MYL12B: variants seen among roughly 807,000 people sequenced by gnomAD.
The protein encoded by MYL12B is myosin regulatory light chain 12B.
A neutral mutation model predicts 12.9 loss-of-function variants in MYL12B; 3 were observed. That is an observed-to-expected ratio of 0.23 (90% CI 0.11 to 0.60). The LOEUF is 0.60. Among genes scored for constraint, MYL12B ranks in the 20% least tolerant of loss-of-function variants. The pLI, the probability that MYL12B is intolerant of heterozygous loss-of-function variation, is 0.89. For synonymous variants in MYL12B, 57 were observed against 71.9 expected (o/e 0.79, Z 1.05); for missense variants, 120 against 215.4 (o/e 0.56, Z 2.77).
intron 1 of MYL12B, chr18:3,272,047 A>C (rs1244155899): frequency 1.0e-6 from 1 of 984,778 alleles, no homozygotes; most frequent in East Asian, 1.1e-4. Flanking sequence ...AAACAGAAGG[A>C]AAAATGAAGA....
At chr18:3,272,706 C>CA (rs571608190) in intron 1 of MYL12B, among the ~76,000 whole-genome samples, 178 bp from the exon 2 acceptor site, 1 of 152,202 alleles carries the variant, frequency 6.6e-6, no homozygotes, top group African/African-American at 2.4e-5. Flanking sequence ...TTTTTCCACT[C>CA]AGTCATTTAA....
At chr18:3,262,305 C>T (rs2081598029) in intron 1 of MYL12B, 68 bp downstream of exon 1, 1 of 152,248 alleles carries the variant, frequency 6.6e-6, no homozygotes, top group Non-Finnish European at 1.5e-5. Context: ...GCGCCCCCTC[C>T]CGTCGCGCGC....
chr18:3,269,456 G>C (rs1203054514), intron 1 of MYL12B, among the ~76,000 whole-genome samples: 1 of 152,134 alleles, frequency 6.6e-6, no homozygotes, highest in African/African-American at 2.4e-5. Context: ...GAGAGGGATT[G>C]GGGAGGGTGA....
At chr18:3,273,563 A>G (rs919436483) in intron 2 of MYL12B, among the ~76,000 whole-genome samples, 13 of 152,334 alleles carry the variant, frequency 8.5e-5, no homozygotes, top group Non-Finnish European at 1.8e-4. Context: ...GTAAAGATAC[A>G]GGATTTAAAG....
chr18:3,277,994 A>G lies in MYL12B; in HGVS notation c.*57A>G, dbSNP rs537417083. 1.9e-6 allele frequency: 3 copies of G among 1,573,720 alleles called. No individual in the cohort carries two copies. In the South Asian group the frequency reaches 3.5e-5, roughly 18 times the overall value. ...TGTCTTACTCTCTTTTACTTCTCAG[A>G]CACTTCCCCCACCCTCATAGAACCT... On this transcript the variant is annotated 3_prime_UTR_variant, in exon 4 of 4. Transcript: ENST00000237500.
At position 3,268,578 on chromosome 18, in the gene MYL12B, C is replaced by T. The variant is rs7229138; in HGVS notation, c.-15-4306C>T. 9.6e-3 allele frequency among the ~76,000 whole-genome samples: 1,465 copies of T among 152,246 alleles called. 28 individuals carry two copies. Among genetic ancestry groups the T allele is most frequent in the African/African-American group, 0.034 (1,414 of 41,538 alleles). ...TTACTCACTGCAACTCTATTCTGTA[C>T]CTTGGTTTTTCTGGTGTAGATTGAC... On this transcript the variant is annotated intron_variant, in intron 1 of 3. Coordinates refer to ENST00000237500, the MANE Select transcript of MYL12B (RefSeq NM_033546.4).
intron 2 of MYL12B, chr18:3,276,671 G>A: frequency 1.6e-6 from 1 of 606,252 alleles, no homozygotes; most frequent in Non-Finnish European, 2.1e-6. Context: ...ACAACTGGAA[G>A]TGTGAATATT....
At chr18:3,262,811 C>G (rs1018677387) in intron 1 of MYL12B, 1 of 152,302 alleles carries the variant, frequency 6.6e-6, no homozygotes, top group African/African-American at 2.4e-5. Flanking sequence ...GTGGTTGATA[C>G]GGGCTCAAAT....
At chr18:3,266,881 A>G (rs11081027) in intron 1 of MYL12B, among the ~76,000 whole-genome samples, 145,142 of 152,298 alleles carry the variant, frequency 0.95, 69,239 homozygotes, top group Non-Finnish European at 0.98. Flanking sequence ...CACTTATTTA[A>G]TGGATGAGGA....
chr18:3,275,911 G>A (rs1213955623), intron 2 of MYL12B, among the ~76,000 whole-genome samples: 1 of 152,132 alleles, frequency 6.6e-6, no homozygotes, highest in Non-Finnish European at 1.5e-5. Flanking sequence ...TTGAGTAAGT[G>A]TAATCAGGTA....
chr18:3,275,857 G>C (rs946878117), intron 2 of MYL12B, among the ~76,000 whole-genome samples: 1 of 152,158 alleles, frequency 6.6e-6, no homozygotes, highest in African/African-American at 2.4e-5. Flanking sequence ...AACTTATTCA[G>C]TGAATCTTGA....
At chr18:3,276,769 A>G (rs1161513437) in intron 2 of MYL12B, 4 of 385,156 alleles carry the variant, frequency 1.0e-5, no homozygotes. Flanking sequence ...GGGCGCGGTG[A>G]TGCACGCCTG....
chr18:3,269,820 TAGG>T (rs894757938), intron 1 of MYL12B, among the ~76,000 whole-genome samples: 23 of 152,172 alleles, frequency 1.5e-4, no homozygotes, highest in African/African-American at 4.8e-4. Flanking sequence ...ATCTTAGAAA[TAGG>T]AGAACTGAGC....
intron 1 of MYL12B, among the ~76,000 whole-genome samples, chr18:3,266,937 G>C (rs1221107004): frequency 1.3e-5 from 2 of 152,170 alleles, no homozygotes; most frequent in African/African-American, 2.4e-5. Context: ...CATACAACTT[G>C]TGAATGATAG....
At position 3,278,034 on chromosome 18, in the gene MYL12B, A is replaced by G; in HGVS notation, c.*97A>G. On this transcript the variant is annotated 3_prime_UTR_variant, in exon 4 of 4. Coordinates refer to ENST00000237500, the MANE Select transcript of MYL12B (RefSeq NM_033546.4). ...TCATAGAACCTGTTGCATGCAACTT[A>G]GTTTCACAGCTTTGCCTCTTCTTTT... 1 of 1,434,936 alleles carries G rather than the reference A, an allele frequency of 7.0e-7. No homozygotes were observed. Among genetic ancestry groups the G allele is most frequent in the South Asian group, 1.3e-5 (1 of 76,946 alleles). 88.9% of individuals were successfully genotyped at this position (1,434,936 alleles called of 1,614,324 possible).
intron 1 of MYL12B, among the ~76,000 whole-genome samples, chr18:3,268,715 G>A (rs7228311): frequency 0.96 from 146,138 of 152,302 alleles, 70,170 homozygotes; most frequent in Non-Finnish European, 0.98. Flanking sequence ...ATTTTGTGCT[G>A]AACTCAAAAT....
intron 1 of MYL12B, among the ~76,000 whole-genome samples, chr18:3,270,227 G>A (rs2081666267): frequency 6.6e-6 from 1 of 152,106 alleles, no homozygotes; most frequent in Admixed American, 6.6e-5. Context: ...TGATTATTTT[G>A]ATGCAACTTT....
intron 2 of MYL12B, 64 bp from the exon 3 acceptor site, chr18:3,277,189 T>C (rs947211931): frequency 1.7e-5 from 24 of 1,413,572 alleles, no homozygotes; most frequent in Non-Finnish European, 2.3e-5. Context: ...AGCATAATAA[T>C]AGTGAAATAA....
intron 2 of MYL12B, chr18:3,276,636 A>C (rs1219321459): frequency 1.2e-6 from 1 of 843,252 alleles, no homozygotes; most frequent in African/African-American, 1.8e-5. Context: ...ACTTTGAAGC[A>C]TATCAACTTA....
Sources: allele counts gnomAD v4.1 joint callset (sites outside exome capture counted in the v4.1 genomes callset), GRCh38; gene constraint gnomAD v4.1.1; transcripts MANE v1.5; gene names NCBI Gene and HGNC (gene_info 2026-07-23, HGNC 2026-07-21).